Variants in TUSC3 observed in about 807,000 individuals in gnomAD.
TUSC3 encodes tumor suppressor candidate 3, also known as dolichyl-diphosphooligosaccharide--protein glycosyltransferase subunit TUSC3.
A neutral mutation model predicts 44.8 loss-of-function variants in TUSC3; 45 were observed. That is an observed-to-expected ratio of 1.00 (90% CI 0.79 to 1.29). The LOEUF (loss-of-function observed/expected upper bound fraction) is 1.29. TUSC3 is among the 50% of genes most tolerant of loss of function. The probability of loss-of-function intolerance (pLI) is 0.00; values close to 1 mark genes in which losing one functional copy is unlikely to be tolerated. For synonymous variants in TUSC3, 212 were observed against 152.9 expected (o/e 1.39, Z -2.85); for missense variants, 519 against 437.9 (o/e 1.19, Z -1.65).
intron 1 of TUSC3, among the ~76,000 whole-genome samples, chr8:15,462,378 A>G (rs1454631901): frequency 6.6e-6 from 1 of 152,124 alleles, no homozygotes; most frequent in African/African-American, 2.4e-5. Flanking sequence ...TCCAAAGAAT[A>G]TATACAAATG....
intron 6 of TUSC3, among the ~76,000 whole-genome samples, chr8:15,691,777 G>C (rs1808911324): frequency 7.9e-6 from 1 of 126,606 alleles, no homozygotes; most frequent in Non-Finnish European, 1.7e-5. Flanking sequence ...GGTGGTTTTT[G>C]TTTTTGTTTG....
At position 15,518,576 on chromosome 8, in the gene TUSC3, C is replaced by G. The variant is rs565279007; in HGVS notation, n.189+35093C>G. On this transcript the variant is annotated intron_variant and non_coding_transcript_variant, in intron 2 of 5. Coordinates refer to the TUSC3 transcript ENST00000503191. ...TCTCCTTATGAAAATACAATCTCAG[C>G]TTTTATAATATTTATATCCTTTCCT... is the stretch of plus-strand genomic sequence containing the variant. 2.6e-4 allele frequency among the ~76,000 whole-genome samples: 39 copies of G among 152,154 alleles called. No homozygotes were observed. In the South Asian group the frequency reaches 7.9e-3, roughly 31 times the overall value.
intron 2 of TUSC3, among the ~76,000 whole-genome samples, chr8:15,522,872 T>C (rs1801316679): frequency 6.6e-6 from 1 of 152,200 alleles, no homozygotes; most frequent in African/African-American, 2.4e-5. Flanking sequence ...AAATGTGCTA[T>C]GTCAGTCCTT....
At chr8:15,710,909 C>T (rs867110490) in intron 6 of TUSC3, among the ~76,000 whole-genome samples, 5 of 149,446 alleles carry the variant, frequency 3.3e-5, no homozygotes, top group African/African-American at 9.8e-5. Context: ...AAAACCAGCA[C>T]CAAATCAAGA....
intron 6 of TUSC3, among the ~76,000 whole-genome samples, chr8:15,720,791 A>G (rs2129204014): frequency 6.6e-6 from 1 of 152,278 alleles, no homozygotes; most frequent in East Asian, 1.9e-4. Flanking sequence ...TGGCACTAAG[A>G]GATTTTGCTT....
At chr8:15,641,571 A>G (rs913622057) in intron 2 of TUSC3, among the ~76,000 whole-genome samples, 2 of 151,950 alleles carry the variant, frequency 1.3e-5, no homozygotes, top group Non-Finnish European at 1.5e-5. Flanking sequence ...AGGTTTGCAT[A>G]CTCCTTTGCC....
intron 1 of TUSC3, among the ~76,000 whole-genome samples, chr8:15,618,497 A>G (rs1360407997): frequency 1.3e-5 from 2 of 152,198 alleles, no homozygotes; most frequent in Non-Finnish European, 2.9e-5. Context: ...AGGATTATCA[A>G]TATCACTATC....
intron 2 of TUSC3, among the ~76,000 whole-genome samples, chr8:15,532,538 T>C (rs1413627083): frequency 1.3e-5 from 2 of 152,148 alleles, no homozygotes; most frequent in African/African-American, 4.8e-5. Context: ...AAAGGGCAGG[T>C]ACTGGGGAGA....
intron 2 of TUSC3, among the ~76,000 whole-genome samples, chr8:15,504,298 T>A (rs1276460163): frequency 6.6e-6 from 1 of 151,966 alleles, no homozygotes; most frequent in African/African-American, 2.4e-5. Flanking sequence ...GACAGTGCAG[T>A]TTAACTTATT....
intron 1 of TUSC3, among the ~76,000 whole-genome samples, chr8:15,560,498 CG>C (rs1002854670): frequency 5.3e-5 from 8 of 151,094 alleles, no homozygotes; most frequent in African/African-American, 1.9e-4. Context: ...TTGCTCTTCT[CG>C]AGAAGTATCT....
At chr8:15,510,877 T>C (rs573602151) in intron 2 of TUSC3, among the ~76,000 whole-genome samples, 13 of 152,328 alleles carry the variant, frequency 8.5e-5, no homozygotes, top group Admixed American at 5.2e-4. Flanking sequence ...CACTTTAAAA[T>C]TGGCAGAGGG....
the TUSC3 span, among the ~76,000 whole-genome samples, chr8:15,779,601 C>T: frequency 5.9e-5 from 9 of 152,224 alleles, no homozygotes; most frequent in African/African-American, 2.2e-4. Context: ...TATGTTCTTA[C>T]AATTTACATC....
At chr8:15,631,624 T>G (rs1277889324) in intron 2 of TUSC3, among the ~76,000 whole-genome samples, 2 of 151,962 alleles carry the variant, frequency 1.3e-5, no homozygotes, top group Non-Finnish European at 2.9e-5. Flanking sequence ...TCATGAATAT[T>G]GTCCCTAAAT....
chr8:15,450,663 C>T (rs7006693), intron 1 of TUSC3, among the ~76,000 whole-genome samples: 2 of 151,986 alleles, frequency 1.3e-5, no homozygotes, highest in African/African-American at 4.8e-5. Flanking sequence ...GAGTGAGACT[C>T]GGTCTCAAAA....
At chr8:15,444,354 G>T (rs74514184) in intron 1 of TUSC3, among the ~76,000 whole-genome samples, 2,611 of 152,214 alleles carry the variant, frequency 0.017, 42 homozygotes, top group South Asian at 0.064. Context: ...GTTACAGACT[G>T]GACTCAACTT....
chr8:15,488,147 C>T (rs1188557695), intron 2 of TUSC3, among the ~76,000 whole-genome samples: 1 of 151,926 alleles, frequency 6.6e-6, no homozygotes, highest in Non-Finnish European at 1.5e-5. Context: ...ATTGAAGTTT[C>T]CTTTTCCTGA....
In TUSC3 at chr8:15,730,659, T is replaced by C. The variant is rs761308380; in HGVS notation, c.799-7T>C. ...AGACTGTAATTTCTGTTTGTCTTCT[T>C]TTATAGAGCTACATTCATGGGAGCA... On this transcript the variant is annotated splice_polypyrimidine_tract_variant and splice_region_variant and intron_variant, in intron 6 of 10. Transcript: ENST00000503731. 1.6e-5 allele frequency: 26 copies of C among 1,612,734 alleles called. No individual in the cohort carries two copies. The highest frequency in any genetic ancestry group is 2.2e-5 in the East Asian group (1 of 44,764).
chr8:15,830,254 T>C, the TUSC3 span, among the ~76,000 whole-genome samples: 1 of 152,206 alleles, frequency 6.6e-6, no homozygotes, highest in Non-Finnish European at 1.5e-5. Context: ...GTCTGCTTAT[T>C]CTGTTGATCA....
intron 2 of TUSC3, among the ~76,000 whole-genome samples, chr8:15,638,172 C>A (rs1397695359): frequency 6.6e-6 from 1 of 152,056 alleles, no homozygotes; most frequent in Non-Finnish European, 1.5e-5. Context: ...CCCGCCGCCC[C>A]CCGTATTTCG....
Sources: gnomAD v4.1 joint callset for allele counts (sites outside exome capture counted in the v4.1 genomes callset) on GRCh38, gnomAD v4.1.1 for gene constraint, MANE v1.5 for transcripts, NCBI Gene and HGNC (gene_info 2026-07-23, HGNC 2026-07-21) for gene names.